MAN1A2: variants seen among roughly 807,000 people sequenced by gnomAD.
The protein encoded by MAN1A2 is mannosidase alpha class 1A member 2.
In MAN1A2, 26 loss-of-function variants were observed where a neutral mutation model predicts 75.7. The observed-to-expected ratio is 0.34, with a 90% CI of 0.25 to 0.48. The LOEUF is 0.48. Among genes scored for constraint, MAN1A2 ranks in the 20% least tolerant of loss-of-function variants. The probability of loss-of-function intolerance (pLI) is 0.99; values close to 1 mark genes in which losing one functional copy is unlikely to be tolerated. For synonymous variants in MAN1A2, 247 were observed against 264.6 expected, an observed-to-expected ratio of 0.93 and a Z score of 0.65; for missense variants, 562 against 775.5, an observed-to-expected ratio of 0.72 and a Z score of 3.27.
At chr1:117,438,389 G>A (rs1648918615) in intron 5 of MAN1A2, among the ~76,000 whole-genome samples, 1 of 152,128 alleles carries the variant, frequency 6.6e-6, no homozygotes, top group East Asian at 1.9e-4. Context: ...GAGTCAAAGA[G>A]TTAAAAAGAA....
At chr1:117,383,131 C>T (rs13374745) in intron 1 of MAN1A2, among the ~76,000 whole-genome samples, 21,553 of 152,130 alleles carry the variant, frequency 0.14, 1,742 homozygotes, top group South Asian at 0.22. Context: ...GCAAAGCTTT[C>T]AGTCTTTCAC....
At position 117,445,882 on chromosome 1, in the gene MAN1A2, G is replaced by GTATA. The variant is rs1224175021; in HGVS notation, c.950+3558_950+3559insATAT. On this transcript the variant is annotated intron_variant, in intron 6 of 12. Coordinates refer to ENST00000356554, the MANE Select transcript of MAN1A2 (RefSeq NM_006699.5). ...TGTATGTGTGTGTGTGTCTGTGTGT[G>GTATA]TGTATATATATATATATGTATATAT... is the stretch of plus-strand genomic sequence containing the variant. Among the ~76,000 whole-genome samples the GTATA allele has an allele frequency of 2.0e-3, 264 of 134,846 alleles. 1 individual carries two copies. Among genetic ancestry groups the GTATA allele is most frequent in the African/African-American group, 6.0e-3 (227 of 38,072 alleles). 88.5% of individuals were successfully genotyped at this position (134,846 alleles called of 152,430 possible).
chr1:117,427,603 G>A (rs1648418896), intron 5 of MAN1A2, among the ~76,000 whole-genome samples: 1 of 152,126 alleles, frequency 6.6e-6, no homozygotes, highest in African/African-American at 2.4e-5. Flanking sequence ...TCTATATTTG[G>A]TGATGGACCT....
chr1:117,462,080 A>T (rs947746900), intron 7 of MAN1A2, among the ~76,000 whole-genome samples: 34 of 152,176 alleles, frequency 2.2e-4, no homozygotes, highest in African/African-American at 7.5e-4. Context: ...ACTGTGGATT[A>T]TAATAGTTAA....
At chr1:117,439,562 C>T (rs192028238) in intron 5 of MAN1A2, among the ~76,000 whole-genome samples, 1 of 151,770 alleles carries the variant, frequency 6.6e-6, no homozygotes, top group East Asian at 1.9e-4. Context: ...GGCGTGATCT[C>T]GGTTCACTGC....
At chr1:117,453,687 A>G (rs576474784) in intron 6 of MAN1A2, among the ~76,000 whole-genome samples, 8 of 152,348 alleles carry the variant, frequency 5.3e-5, no homozygotes, top group Non-Finnish European at 1.2e-4. Context: ...CAAAATGACA[A>G]TAAGGATTTA....
intron 1 of MAN1A2, among the ~76,000 whole-genome samples, chr1:117,376,423 T>G (rs1653147011): frequency 6.6e-6 from 1 of 152,266 alleles, no homozygotes; most frequent in Non-Finnish European, 1.5e-5. Flanking sequence ...GGAGCCACTA[T>G]GGTCTGTGAA....
intron 12 of MAN1A2, among the ~76,000 whole-genome samples, chr1:117,520,054 A>AT (rs1435563740): frequency 6.6e-6 from 1 of 152,132 alleles, no homozygotes; most frequent in Non-Finnish European, 1.5e-5. Context: ...GATATCCCAC[A>AT]TAAACAGAAC....
chr1:117,376,213 A>G (rs1653134237), intron 1 of MAN1A2, among the ~76,000 whole-genome samples: 1 of 152,100 alleles, frequency 6.6e-6, no homozygotes, highest in Non-Finnish European at 1.5e-5. Flanking sequence ...GCCCGGCCCT[A>G]ATTTATGTAT....
chr1:117,412,582 A>G (rs1647858790), intron 3 of MAN1A2, among the ~76,000 whole-genome samples: 1 of 151,778 alleles, frequency 6.6e-6, no homozygotes, highest in Non-Finnish European at 1.5e-5. Flanking sequence ...CTTATTAACT[A>G]GTATAAATAT....
intron 12 of MAN1A2, among the ~76,000 whole-genome samples, chr1:117,521,420 G>C (rs1651867212): frequency 1.3e-5 from 2 of 151,842 alleles, no homozygotes; most frequent in East Asian, 3.9e-4. Flanking sequence ...ACAAACATGA[G>C]AAAATGCTCA....
chr1:117,509,517 A>G (rs1651467238), intron 12 of MAN1A2, among the ~76,000 whole-genome samples: 1 of 151,952 alleles, frequency 6.6e-6, no homozygotes, highest in Non-Finnish European at 1.5e-5. Flanking sequence ...TATTCTTAAA[A>G]TATCCTTAAG....
chr1:117,400,412 A>T (rs557883745), intron 1 of MAN1A2, among the ~76,000 whole-genome samples: 35 of 150,210 alleles, frequency 2.3e-4, no homozygotes, highest in African/African-American at 8.3e-4. Context: ...CAGGTTTATG[A>T]TTTAACACGT....
At chr1:117,470,407 C>G (rs910092859) in intron 8 of MAN1A2, among the ~76,000 whole-genome samples, 1 of 152,018 alleles carries the variant, frequency 6.6e-6, no homozygotes, top group East Asian at 1.9e-4. Context: ...GATGGTTTTA[C>G]AGCACTGTGA....
intron 1 of MAN1A2, among the ~76,000 whole-genome samples, chr1:117,376,613 A>G (rs1238942112): frequency 6.6e-6 from 1 of 152,218 alleles, no homozygotes; most frequent in Non-Finnish European, 1.5e-5. Context: ...AGAGACAAAT[A>G]TTTTGAAGCG....
chr1:117,507,014 T>C (rs1651395927), intron 12 of MAN1A2, among the ~76,000 whole-genome samples: 1 of 151,700 alleles, frequency 6.6e-6, no homozygotes, highest in South Asian at 2.1e-4. Context: ...AAATGTTTAT[T>C]GAACGATAAA....
intron 6 of MAN1A2, among the ~76,000 whole-genome samples, chr1:117,458,523 AT>A (rs5777311): frequency 0.21 from 21,604 of 105,100 alleles, 2,409 homozygotes; most frequent in East Asian, 0.37. Flanking sequence ...ATATATATAT[AT>A]TTTTTTTTTT....
chr1:117,458,090 C>T (rs1205927863), intron 6 of MAN1A2, among the ~76,000 whole-genome samples: 1 of 152,126 alleles, frequency 6.6e-6, no homozygotes, highest in African/African-American at 2.4e-5. Context: ...AACTCACTTT[C>T]TATCTCTAGT....
chr1:117,461,486 A>G (rs1328197159), intron 7 of MAN1A2, among the ~76,000 whole-genome samples: 1 of 152,162 alleles, frequency 6.6e-6, no homozygotes, highest in Admixed American at 6.6e-5. Flanking sequence ...CTAATGTTTG[A>G]TAGCACAATA....
Sources: gnomAD v4.1 joint callset for allele counts (sites outside exome capture counted in the v4.1 genomes callset) on GRCh38, gnomAD v4.1.1 for gene constraint, MANE v1.5 for transcripts, NCBI Gene and HGNC (gene_info 2026-07-23, HGNC 2026-07-21) for gene names.